Variants in KIF18B observed in about 807,000 individuals in gnomAD.
KIF18B encodes the protein kinesin-like protein KIF18B.
A neutral mutation model predicts 80.9 loss-of-function variants in KIF18B; 49 were observed. The observed-to-expected ratio is 0.61, with a 90% CI of 0.48 to 0.77. The LOEUF (loss-of-function observed/expected upper bound fraction) is 0.77. Ranked by LOEUF, KIF18B falls within the 30% of genes least tolerant of loss-of-function variation. KIF18B has a pLI of 0.00. For missense variants in KIF18B, 994 were observed against 1,127.7 expected (o/e 0.88, Z 1.70); for synonymous variants, 439 against 463.9 (o/e 0.95, Z 0.69).
chr17:44,929,694 T>C (rs2052107062), intron 11 of KIF18B, among the ~76,000 whole-genome samples: 1 of 152,176 alleles, frequency 6.6e-6, no homozygotes, highest in Non-Finnish European at 1.5e-5. Context: ...AATAATACCA[T>C]CTTGCTGGTT....
chr17:44,940,126 A>G (rs2052388421), intron 1 of KIF18B, among the ~76,000 whole-genome samples: 1 of 152,258 alleles, frequency 6.6e-6, no homozygotes, highest in African/African-American at 2.4e-5. Context: ...TCCAGAAGAT[A>G]GGAAAGCTAC....
chr17:44,936,624 ATTTTTTTTTTTTTTTTTTTTTT>A (rs72105429), intron 1 of KIF18B, among the ~76,000 whole-genome samples: 1 of 27,904 alleles, frequency 3.6e-5, no homozygotes, highest in Admixed American at 7.0e-4. Flanking sequence ...ATATATATAT[ATTTTTTTTTTTTTTTTTTTTTT>A]TTTTTTTTTT....
intron 1 of KIF18B, among the ~76,000 whole-genome samples, chr17:44,938,989 A>ACC (rs2052363206): frequency 6.6e-6 from 1 of 151,768 alleles, no homozygotes; most frequent in Non-Finnish European, 1.5e-5. Context: ...GGTTGCGGTG[A>ACC]GCTGAGATCG....
chr17:44,938,017 C>CACACAT (rs3222536), intron 1 of KIF18B, among the ~76,000 whole-genome samples: 1 of 132,062 alleles, frequency 7.6e-6, no homozygotes, highest in African/African-American at 3.0e-5. Context: ...CACACACACA[C>CACACAT]ATATATATTT....
intron 14 of KIF18B, 133 bp downstream of exon 14, chr17:44,926,856 T>C: frequency 9.1e-6 from 7 of 768,812 alleles, no homozygotes; most frequent in Non-Finnish European, 1.5e-5. Context: ...CGGGCCCTGC[T>C]CACAGGACCT....
chr17:44,934,567 G>T lies in KIF18B; in HGVS notation c.627C>A (p.Asn209Lys). 1 of 1,612,932 alleles carries T rather than the reference G, an allele frequency of 6.2e-7. No homozygotes were observed. The highest frequency in any genetic ancestry group is 8.5e-7 in the Non-Finnish European group (1 of 1,179,530). The change falls in exon 5 of 16, where the codon AAC becomes AAA. Residue 209 changes from asparagine to lysine, a missense_variant. Transcript: ENST00000593135. The surrounding 1 kb of genome is among the most constrained non-coding windows in gnomAD (Gnocchi z 5.4). ...TGGCATCAGTGGGGTGCTGCGTGCG[G>T]TTACGGTTCCCCCTGGTCAGTATCT... The part of the protein sequence containing the change: ...LLEILTRGNR[N>K]RTQHPTDANA...
chr17:44,936,934 G>A (rs935703794), intron 1 of KIF18B, among the ~76,000 whole-genome samples: 82 of 151,080 alleles, frequency 5.4e-4, no homozygotes, highest in African/African-American at 1.9e-3. Context: ...GAGCCACCGC[G>A]CCAGGCCTCA....
intron 1 of KIF18B, among the ~76,000 whole-genome samples, chr17:44,943,099 T>G (rs1190986967): frequency 2.0e-5 from 3 of 151,772 alleles, no homozygotes; most frequent in African/African-American, 4.8e-5. Flanking sequence ...AGAAATTGTG[T>G]TTTTTTTGTT....
intron 1 of KIF18B, among the ~76,000 whole-genome samples, chr17:44,939,366 C>CAAAAAAAAAAAAAAAAA (rs781348504): frequency 3.0e-4 from 11 of 36,950 alleles, no homozygotes; most frequent in African/African-American, 4.2e-4. Context: ...GACTCCATCT[C>CAAAAAAAAAAAAAAAAA]AAAAAAAAAA....
intron 7 of KIF18B, among the ~76,000 whole-genome samples, chr17:44,933,390 C>T (rs1365924394): frequency 6.6e-6 from 1 of 152,174 alleles, no homozygotes; most frequent in Non-Finnish European, 1.5e-5. Context: ...CTGCCGTCTC[C>T]CTTGGTTTTG....
rs546084222 is a variant in KIF18B at position 44,928,357 on chromosome 17, G to A, written c.1945C>T (p.Arg649Cys). Residue 649 changes from arginine (R) to cysteine (C), a missense_variant, in exon 13 of 16, where the codon CGC becomes TGC. By Grantham distance (180) the Arg-to-Cys change is radical (BLOSUM62 -3). Transcript: ENST00000593135. The part of the protein sequence containing the change: ...SPMAPKRGTK[R>C]QRQSFLPCLR... The stretch of plus-strand genomic sequence containing the variant: ...CAGGGCAGGAAGGACTGGCGCTGGC[G>A]CTTGGTGCCCCGCTTTGGGGCCATG... 2.4e-5 allele frequency: 39 copies of A among 1,601,002 alleles called. No individual in the cohort carries two copies. Among genetic ancestry groups the A allele is most frequent in the South Asian group, 5.6e-5 (5 of 89,322 alleles).
chr17:44,927,031 G>A lies in KIF18B; in HGVS notation c.2324C>T (p.Ser775Phe). 1 of 1,612,960 alleles carries A rather than the reference G, an allele frequency of 6.2e-7. No homozygotes were observed. The highest frequency in any genetic ancestry group is 8.5e-7 in the Non-Finnish European group (1 of 1,179,534). ...FTMKGPKPTS[S>F]LPGTSACKKK... ...CTTGCAGGCAGAGGTCCCAGGGAGG[G>A]AAGATGTTGGCTTGGGGCCCTTCAT... is the stretch of plus-strand genomic sequence containing the variant. Residue 775 changes from serine (S) to phenylalanine (F), a missense_variant, in exon 14 of 16, where the codon TCC (serine) becomes TTC (phenylalanine). Coordinates refer to ENST00000593135, the MANE Select transcript of KIF18B (RefSeq NM_001265577.2). This position sits in a 1 kb window ranked among gnomAD's most constrained non-coding sequence, Gnocchi z 4.1.
intron 1 of KIF18B, among the ~76,000 whole-genome samples, chr17:44,939,823 A>AT (rs1236515378): frequency 5.4e-5 from 8 of 149,268 alleles, no homozygotes; most frequent in Middle Eastern, 3.5e-3. Context: ...TTTTATTTTT[A>AT]TTTTTTTTTT....
chr17:44,928,745 A>T (rs1183929557), intron 12 of KIF18B, 74 bp downstream of exon 12: 2 of 1,493,782 alleles, frequency 1.3e-6, no homozygotes, highest in Non-Finnish European at 1.8e-6. Flanking sequence ...AGGCCCCTGG[A>T]CACCCCTTGG....
In KIF18B at chr17:44,924,793, A is replaced by G. The variant is rs1450752507; in HGVS notation, c.*1287T>C. 5 of 152,190 alleles carry G rather than the reference A, an allele frequency of 3.3e-5. No individual in the cohort carries two copies. Among genetic ancestry groups the G allele is most frequent in the Admixed American group, 2.0e-4 (3 of 15,286 alleles). 9.4% of individuals were successfully genotyped at this position (152,190 alleles called of 1,614,324 possible). ...TGCAGAAATAAAGGATCAGAAGGCT[A>G]TAAACCCAAGTATCATTAGCATTTA... On this transcript the variant is annotated 3_prime_UTR_variant, in exon 16 of 16. Coordinates refer to ENST00000593135, the MANE Select transcript of KIF18B (RefSeq NM_001265577.2).
Position 44,928,247 on chromosome 17 carries a change from A to G in KIF18B, c.2055T>C (p.His685=), listed in dbSNP as rs2052071173. The G allele has an allele frequency of 6.2e-6, 10 of 1,613,428 alleles. No homozygotes were observed. The highest frequency in any genetic ancestry group is 1.3e-5 in the African/African-American group (1 of 74,896). ...CTGTGGCTGGGCAAACGCGAGGGGAATGGCAGGGGGAGGAGGCCCTTTCTC... is the reference window on the plus strand; with the variant it reads ...CTGTGGCTGGGCAAACGCGAGGGGAGTGGCAGGGGGAGGAGGCCCTTTCTC... ...PKGERASSPC[H]SPRVCPATVI... The change falls in exon 13 of 16, where the codon CAT becomes CAC. Residue 685 remains histidine, a synonymous_variant. Transcript: ENST00000593135.
At chr17:44,945,896 TTC>T (rs1258034669) in intron 1 of KIF18B, among the ~76,000 whole-genome samples, 1 of 143,384 alleles carries the variant, frequency 7.0e-6, no homozygotes, top group Non-Finnish European at 1.5e-5. Context: ...ACGAGGGAAA[TTC>T]TGTCTCAGAA....
intron 7 of KIF18B, among the ~76,000 whole-genome samples, chr17:44,933,483 G>A (rs1216373721): frequency 6.6e-6 from 1 of 151,898 alleles, no homozygotes; most frequent in Non-Finnish European, 1.5e-5. Context: ...ACTCTCTGAA[G>A]ACAGAGGAAC....
In KIF18B at chr17:44,934,013, C is replaced by T. The variant is rs2052218973; in HGVS notation, c.972G>A (p.Met324Ile). The T allele has an allele frequency of 6.2e-7, 1 of 1,610,798 alleles. No individual in the cohort carries two copies. The highest frequency in any genetic ancestry group is 8.5e-7 in the Non-Finnish European group (1 of 1,178,704). Residue 324 changes from methionine (M) to isoleucine (I), a missense_variant, in exon 7 of 16, where the codon ATG becomes ATA. Transcript: ENST00000593135. The surrounding 1 kb of genome is among the most constrained non-coding windows in gnomAD (Gnocchi z 5.4). ...DSLGGNCRTV[M>I]IAAISPSSLT... is the part of the protein sequence containing the mutation. ...GGCTGGAGGGGCTGATGGCAGCGAT[C>T]ATCACTGTGCGGCAGTTGCCCCCGA...
Sources: gnomAD v4.1 joint callset for allele counts (sites outside exome capture counted in the v4.1 genomes callset) on GRCh38, gnomAD v4.1.1 for gene constraint, Gnocchi (gnomAD v3.1) non-coding constraint, MANE v1.5 for transcripts, NCBI Gene and HGNC (gene_info 2026-07-23, HGNC 2026-07-21) for gene names.